CCNF: variants seen among roughly 807,000 people sequenced by gnomAD.
CCNF encodes cyclin-F.
Under a neutral mutation model 85.4 loss-of-function variants are expected in CCNF, and 30 were observed. The observed-to-expected ratio is 0.35, with a 90% CI of 0.26 to 0.48. The LOEUF (loss-of-function observed/expected upper bound fraction) is 0.48. CCNF is among the 20% of genes least tolerant of loss of function. The pLI, the probability that CCNF is intolerant of heterozygous loss-of-function variation, is 0.99. For missense variants in CCNF, 919 were observed against 1,010.4 expected (o/e 0.91, Z 1.23); for synonymous variants, 439 against 425.1 (o/e 1.03, Z -0.40).
chr16:2,441,977 A>ATATATG (rs2065324989), intron 8 of CCNF, among the ~76,000 whole-genome samples: 5 of 95,850 alleles, frequency 5.2e-5, no homozygotes, highest in Non-Finnish European at 1.1e-4. Flanking sequence ...ATATATATAT[A>ATATATG]TATATGTTTT....
chr16:2,433,088 T>C (rs778657072), intron 3 of CCNF, 21 bp downstream of exon 3: 8 of 1,502,642 alleles, frequency 5.3e-6, no homozygotes, highest in Non-Finnish European at 7.4e-6. Context: ...ACCCTGAGAA[T>C]GGCTCAGTCT....
chr16:2,432,148 C>T (rs76453499), intron 2 of CCNF, among the ~76,000 whole-genome samples: 3,471 of 152,186 alleles, frequency 0.023, 120 homozygotes, highest in African/African-American at 0.079. Flanking sequence ...CCTTTTATGG[C>T]AGTGAAATTT....
chr16:2,443,637 TTTC>T lies in CCNF; in HGVS notation c.778-8_778-6del, dbSNP rs769349067. On this transcript the variant is annotated splice_polypyrimidine_tract_variant and intron_variant, in intron 8 of 16. Transcript: ENST00000397066. ...TGCTGTCTCACGCTCATGTTTGTCT[TTTC>T]TTCCTCAGCTGTCTTTAGCCAAAGC... is the stretch of plus-strand genomic sequence containing the variant. 1 of 1,610,836 alleles carries T rather than the reference TTTC, an allele frequency of 6.2e-7. No homozygotes were observed. Among genetic ancestry groups the T allele is most frequent in the East Asian group, 2.2e-5 (1 of 44,778 alleles).
chr16:2,445,726 G>GTTT (rs141290345), intron 10 of CCNF, 104 bp downstream of exon 10: 72,924 of 821,448 alleles, frequency 0.089, 1,191 homozygotes, highest in East Asian at 0.13. Flanking sequence ...TTTGTTTTGT[G>GTTT]TTGTTTTTTT....
In CCNF at chr16:2,429,453, G is replaced by T. The variant is rs1318955463; in HGVS notation, c.-29G>T. ...GGGGCGCGGGCGCGCTCTCAGGCGG[G>T]CTCCGGCGGCAGCGACGCGAGCGCG... On this transcript the variant is annotated 5_prime_UTR_variant, in exon 1 of 17. Transcript: ENST00000397066. 8.2e-7 allele frequency: 1 copy of T among 1,219,870 alleles called. No homozygotes were observed. The highest frequency in any genetic ancestry group is 1.0e-6 in the Non-Finnish European group (1 of 981,028). 75.6% of individuals were successfully genotyped at this position (1,219,870 alleles called of 1,614,324 possible). A position where few individuals can be genotyped will look rare whatever the true frequency, so the allele number is the denominator to read the frequency against.
At chr16:2,432,606 G>A (rs2065268384) in intron 2 of CCNF, among the ~76,000 whole-genome samples, 1 of 152,170 alleles carries the variant, frequency 6.6e-6, no homozygotes, top group Admixed American at 6.5e-5. Flanking sequence ...CTCCAGCGGG[G>A]AAGCACAAAA....
At chr16:2,430,967 CTTTG>C (rs774480830) in intron 1 of CCNF, 159 bp from the exon 2 acceptor site, 24 of 811,694 alleles carry the variant, frequency 3.0e-5, no homozygotes, top group Admixed American at 2.6e-4. Context: ...TTTACATAAT[CTTTG>C]TTTGGGACAA....
chr16:2,431,052 C>T, intron 1 of CCNF, 78 bp from the exon 2 acceptor site: 1 of 1,424,510 alleles, frequency 7.0e-7, no homozygotes, highest in Non-Finnish European at 9.9e-7. Flanking sequence ...TAACTTTTAT[C>T]CTTTTTTTTT....
At chr16:2,433,866 C>T (rs376290671) in intron 3 of CCNF, among the ~76,000 whole-genome samples, 2 of 152,204 alleles carry the variant, frequency 1.3e-5, no homozygotes, top group Non-Finnish European at 1.5e-5. Context: ...CTGTGAGCCT[C>T]GTCCATCTGA....
chr16:2,438,465 C>T (rs991409140), intron 6 of CCNF, among the ~76,000 whole-genome samples: 1 of 152,122 alleles, frequency 6.6e-6, no homozygotes, highest in African/African-American at 2.4e-5. Flanking sequence ...AATGGTGAAA[C>T]CACGTCTTTA....
At chr16:2,429,518 G>A (rs918933067) in intron 1 of CCNF, 21 bp downstream of exon 1, 5 of 1,229,756 alleles carry the variant, frequency 4.1e-6, no homozygotes, top group Non-Finnish European at 5.1e-6. Context: ...GGCGATGTCC[G>A]CTGGTTTCTG....
intron 3 of CCNF, among the ~76,000 whole-genome samples, chr16:2,434,233 C>T (rs975209929): frequency 1.4e-4 from 22 of 152,166 alleles, no homozygotes; most frequent in African/African-American, 5.1e-4. Flanking sequence ...TTAAACCCAG[C>T]AGGTGGAGGT....
chr16:2,449,223 G>C, intron 11 of CCNF, 59 bp from the exon 12 acceptor site: 2 of 1,578,308 alleles, frequency 1.3e-6, no homozygotes, highest in Non-Finnish European at 1.7e-6. Context: ...GCCTGCATGC[G>C]GCACTGCACC....
At chr16:2,434,533 C>G (rs1255871496) in intron 3 of CCNF, among the ~76,000 whole-genome samples, 1 of 152,210 alleles carries the variant, frequency 6.6e-6, no homozygotes, top group Non-Finnish European at 1.5e-5. Context: ...ATTGCTTGAA[C>G]CCAGGAGGCA....
chr16:2,442,752 TATA>T (rs1316907590), intron 8 of CCNF, among the ~76,000 whole-genome samples: 5,129 of 11,488 alleles, frequency 0.45, 2,352 homozygotes, highest in African/African-American at 0.89. Context: ...ATATAATAAT[TATA>T]ATAATATAAT....
intron 2 of CCNF, among the ~76,000 whole-genome samples, chr16:2,431,930 A>T (rs940386000): frequency 1.3e-5 from 2 of 150,874 alleles, no homozygotes; most frequent in Admixed American, 6.6e-5. Context: ...TCCCAGGTTC[A>T]TGCCATTCTC....
At chr16:2,454,733 C>T (rs866608549) in intron 15 of CCNF, among the ~76,000 whole-genome samples, 2 of 152,214 alleles carry the variant, frequency 1.3e-5, no homozygotes, top group South Asian at 2.1e-4. Flanking sequence ...ATCTGCCTGG[C>T]GCCGGGCTAA....
chr16:2,454,486 GC>G lies in CCNF; in HGVS notation c.1716-903del, dbSNP rs560175428. ...GCTGTGTTAAACCCGCTTCTCAGAG[GC>G]CCCCCACAGCCCCATCAGTCTTCTG... On this transcript the variant is annotated intron_variant, in intron 15 of 16. Transcript: ENST00000397066. Among the ~76,000 whole-genome samples the G allele has an allele frequency of 3.2e-3, 485 of 152,294 alleles. 1 individual carries two copies. Among genetic ancestry groups the G allele is most frequent in the Admixed American group, 7.2e-3 (110 of 15,298 alleles).
rs762039769 is a variant in CCNF at position 2,431,043 on chromosome 16, A to G, written c.17-87A>G. 9 of 1,342,996 alleles carry G rather than the reference A, an allele frequency of 6.7e-6. No individual in the cohort carries two copies. The South Asian group carries it at 7.0e-5, about 10-fold the overall frequency. The allele number at this position is 1,342,996 out of a possible 1,614,324, so 83.2% of individuals were successfully genotyped here. On this transcript the variant is annotated intron_variant, in intron 1 of 16. Transcript: ENST00000397066. ...TAACCATTAGATCATCTTCAGATGTAACTTTTATCCTTTTTTTTTCCCTTC... is the reference window on the plus strand; with the variant it reads ...TAACCATTAGATCATCTTCAGATGTGACTTTTATCCTTTTTTTTTCCCTTC...
Sources: gnomAD v4.1 joint callset for allele counts (sites outside exome capture counted in the v4.1 genomes callset) on GRCh38, gnomAD v4.1.1 for gene constraint, MANE v1.5 for transcripts, NCBI Gene and HGNC (gene_info 2026-07-23, HGNC 2026-07-21) for gene names.